Variants in LAMA1 observed in about 807,000 individuals in gnomAD.
LAMA1 encodes laminin subunit alpha 1, also known as laminin subunit alpha-1.
A neutral mutation model predicts 348.7 loss-of-function variants in LAMA1; 219 were observed. That is an observed-to-expected ratio of 0.63 (90% CI 0.56 to 0.70). The LOEUF (loss-of-function observed/expected upper bound fraction) is 0.70. LAMA1 is among the 30% of genes least tolerant of loss of function. The probability of loss-of-function intolerance (pLI) is 0.00; values close to 1 mark genes in which losing one functional copy is unlikely to be tolerated. For synonymous variants in LAMA1, 1,487 were observed against 1,491.0 expected (o/e 1.00, Z 0.06); for missense variants, 3,744 against 3,888.0 (o/e 0.96, Z 0.99).
chr18:7,091,034 G>A (rs2143801248), intron 1 of LAMA1, among the ~76,000 whole-genome samples: 1 of 152,310 alleles, frequency 6.6e-6, no homozygotes, highest in East Asian at 1.9e-4. Context: ...AAAACAGTAT[G>A]TTATCAGTAT....
chr18:7,058,847 T>C (rs1252169491), intron 3 of LAMA1, among the ~76,000 whole-genome samples: 2 of 152,218 alleles, frequency 1.3e-5, no homozygotes, highest in African/African-American at 2.4e-5. Flanking sequence ...ATTGGTCTTA[T>C]ATGTAATGTA....
At chr18:6,993,533 C>T (rs749207243) in intron 35 of LAMA1, 108 bp downstream of exon 35, 26 of 882,510 alleles carry the variant, frequency 2.9e-5, no homozygotes, top group South Asian at 5.3e-5. Flanking sequence ...CCTCTGGTTC[C>T]GGAAACCCGA....
At chr18:7,022,654 A>G (rs555527644) in intron 19 of LAMA1, among the ~76,000 whole-genome samples, 5 of 152,214 alleles carry the variant, frequency 3.3e-5, no homozygotes, top group Non-Finnish European at 5.9e-5. Flanking sequence ...TCCACGATCC[A>G]TAATTTCAAG....
chr18:7,051,516 T>G (rs1320613883), intron 3 of LAMA1, among the ~76,000 whole-genome samples: 1 of 152,210 alleles, frequency 6.6e-6, no homozygotes, highest in African/African-American at 2.4e-5. Context: ...TAGCATTTGT[T>G]TTCAGAATGA....
rs762732734 is a variant in LAMA1 at position 7,037,589 on chromosome 18, G to A, written c.1726C>T (p.Leu576Phe). The change falls in exon 12 of 63, where the codon CTT becomes TTT. Residue 576 changes from leucine to phenylalanine, a missense_variant. Leu to Phe is a conservative substitution (Grantham distance 22, BLOSUM62 0). Coordinates refer to ENST00000389658, the MANE Select transcript of LAMA1 (RefSeq NM_005559.4). ...KYYWAAPEAY[L>F]GNKLTAFGGF... ...AGGGTCACACGCACCTTATTTCCAA[G>A]GTAGGCCTCGGGGGCTGCCCAGTAG... The A allele has an allele frequency of 1.2e-6, 2 of 1,614,050 alleles. No individual in the cohort carries two copies. Among genetic ancestry groups the A allele is most frequent in the Non-Finnish European group, 8.5e-7 (1 of 1,180,018 alleles).
intron 1 of LAMA1, among the ~76,000 whole-genome samples, chr18:7,116,826 C>CT (rs2058358666): frequency 6.7e-6 from 1 of 148,714 alleles, no homozygotes; most frequent in African/African-American, 2.6e-5. Context: ...TTCTCTCTCT[C>CT]TTTCTTTCTT....
In LAMA1 at chr18:6,965,420, A is replaced by AT; in HGVS notation, c.7062dup (p.Ser2355IlefsTer14). 1 of 1,614,200 alleles carries AT rather than the reference A, an allele frequency of 6.2e-7. No homozygotes were observed. Among genetic ancestry groups the AT allele is most frequent in the Non-Finnish European group, 8.5e-7 (1 of 1,180,030 alleles). Reference sequence around the variant, plus strand: ...ACTCTGCCACGAAACAGCTCGATGGATAAAAAGTCTTTCTGTAAAAAAGAG... The same window carrying AT: ...ACTCTGCCACGAAACAGCTCGATGGATTAAAAAGTCTTTCTGTAAAAAAGAG... On this transcript the variant is annotated frameshift_variant, in exon 50 of 63. Coordinates refer to ENST00000389658, the MANE Select transcript of LAMA1 (RefSeq NM_005559.4). LOFTEE classifies it high-confidence loss of function.
At chr18:7,004,437 C>T (rs1413109186) in intron 29 of LAMA1, among the ~76,000 whole-genome samples, 1 of 152,154 alleles carries the variant, frequency 6.6e-6, no homozygotes, top group Non-Finnish European at 1.5e-5. Context: ...ACCGCAACCT[C>T]TGCCTCCTGG....
At chr18:6,997,057 CTTTTT>C (rs1219353732) in intron 33 of LAMA1, among the ~76,000 whole-genome samples, 3 of 136,994 alleles carry the variant, frequency 2.2e-5, no homozygotes, top group Admixed American at 7.0e-5. Context: ...CTTTTCTTCT[CTTTTT>C]CTTTTTCTTT....
intron 31 of LAMA1, 87 bp from the exon 32 acceptor site, chr18:6,999,725 T>A: frequency 7.8e-7 from 1 of 1,285,816 alleles, no homozygotes; most frequent in African/African-American, 1.5e-5. Flanking sequence ...CCAAATGAAA[T>A]GCAAAGCACA....
In LAMA1 at chr18:7,117,739, C is replaced by A; in HGVS notation, c.-19G>T. ...CGCGCATCTCGCCTCCGCCGCCACT[C>A]GGTGGGTCTGGGGAGAAAGCCGCGC... On this transcript the variant is annotated 5_prime_UTR_variant, in exon 1 of 63. Transcript: ENST00000389658. The A allele has an allele frequency of 6.3e-7, 1 of 1,594,870 alleles. No homozygotes were observed. Among genetic ancestry groups the A allele is most frequent in the East Asian group, 2.2e-5 (1 of 44,584 alleles).
At chr18:7,013,247 C>G (rs1291033209) in intron 23 of LAMA1, among the ~76,000 whole-genome samples, 1 of 152,068 alleles carries the variant, frequency 6.6e-6, no homozygotes, top group Non-Finnish European at 1.5e-5. Flanking sequence ...TCCTTCCTAT[C>G]TCCAGTCACC....
intron 54 of LAMA1, among the ~76,000 whole-genome samples, chr18:6,958,912 C>A (rs1385562640): frequency 4.0e-5 from 6 of 151,514 alleles, no homozygotes; most frequent in African/African-American, 1.2e-4. Context: ...GAGAGATTTT[C>A]TTTTTCTTTT....
At position 6,966,222 on chromosome 18, in the gene LAMA1, G is replaced by A. The variant is rs2057632599; in HGVS notation, c.6975C>T (p.Thr2325=). 8.1e-6 allele frequency: 13 copies of A among 1,613,796 alleles called. No individual in the cohort carries two copies. The highest frequency in any genetic ancestry group is 3.3e-5 in the South Asian group (3 of 90,996). ...YSVVEKSLPA[T]VTQIIMLFNT... is the part of the protein sequence containing the mutation. The stretch of plus-strand genomic sequence containing the variant: ...TAAAAAGCATGATTATCTGGGTCAC[G>A]GTAGCCGGAAGTGACTTCTCCACGA... The change falls in exon 49 of 63, where the codon ACC becomes ACT. Residue 2325 remains threonine, a synonymous_variant. Coordinates refer to ENST00000389658, the MANE Select transcript of LAMA1 (RefSeq NM_005559.4).
chr18:7,058,951 A>G (rs59559652), intron 3 of LAMA1, among the ~76,000 whole-genome samples: 5,355 of 152,158 alleles, frequency 0.035, 245 homozygotes, highest in East Asian at 0.2. Context: ...GTGCAATGGC[A>G]CAATCTCGAC....
intron 1 of LAMA1, among the ~76,000 whole-genome samples, chr18:7,114,579 T>G (rs1347798443): frequency 6.6e-6 from 1 of 152,234 alleles, no homozygotes; most frequent in Non-Finnish European, 1.5e-5. Context: ...TCACATTATT[T>G]CATTTAATCA....
chr18:7,012,497 ATAT>A (rs35789852), intron 23 of LAMA1, among the ~76,000 whole-genome samples: 46,231 of 143,262 alleles, frequency 0.32, 9,275 homozygotes, highest in African/African-American at 0.58. Flanking sequence ...TATTATTATT[ATAT>A]TATTATTATT....
intron 1 of LAMA1, among the ~76,000 whole-genome samples, chr18:7,113,181 C>T (rs545766553): frequency 2.6e-5 from 4 of 152,272 alleles, no homozygotes; most frequent in African/African-American, 7.2e-5. Flanking sequence ...GGTTGTCTAA[C>T]AAATACTTCA....
chr18:6,945,768 C>T (rs994540672), intron 61 of LAMA1, among the ~76,000 whole-genome samples: 4 of 152,096 alleles, frequency 2.6e-5, no homozygotes, highest in African/African-American at 9.7e-5. Flanking sequence ...TGGACGCTGG[C>T]CAAACTCTCC....
Sources: gnomAD v4.1 joint callset for allele counts (sites outside exome capture counted in the v4.1 genomes callset) on GRCh38, gnomAD v4.1.1 for gene constraint, MANE v1.5 for transcripts, NCBI Gene and HGNC (gene_info 2026-07-23, HGNC 2026-07-21) for gene names.